The following SLC25A13 variants were observed in gnomAD, a reference collection of about 807,000 sequenced individuals.
SLC25A13 encodes the protein electrogenic aspartate/glutamate antiporter SLC25A13, mitochondrial.
In SLC25A13, 70 loss-of-function variants were observed where a neutral mutation model predicts 85.5. That is an observed-to-expected ratio of 0.82 (90% CI 0.68 to 1.00). The LOEUF is 1.00. Among genes scored for constraint, SLC25A13 ranks in the 50% least tolerant of loss-of-function variants. The pLI is 0.00. For missense variants in SLC25A13, 765 were observed against 819.8 expected, an observed-to-expected ratio of 0.93 and a Z score of 0.82; for synonymous variants, 259 against 288.7, an observed-to-expected ratio of 0.90 and a Z score of 1.04.
chr7:96,257,793 G>C (rs1797697147), intron 3 of SLC25A13, among the ~76,000 whole-genome samples: 1 of 152,168 alleles, frequency 6.6e-6, no homozygotes. Context: ...TATCCCTGAT[G>C]AACATTTATA....
rs2116383375 is a variant in SLC25A13 at position 96,121,767 on chromosome 7, A to G, written c.1751-22T>C. ...CGAGCTTTAAAAAAATGGAGAAATCACAGATATAATTAGATATTTTAAAAA... is the reference window on the plus strand; with the variant it reads ...CGAGCTTTAAAAAAATGGAGAAATCGCAGATATAATTAGATATTTTAAAAA... On this transcript the variant is annotated intron_variant, in intron 16 of 17. Transcript: ENST00000265631. 1.9e-6 allele frequency: 3 copies of G among 1,613,832 alleles called. No homozygotes were observed. The highest frequency in any genetic ancestry group is 1.7e-6 in the Non-Finnish European group (2 of 1,179,778).
Position 96,121,668 on chromosome 7 carries a change from C to G in SLC25A13, c.1828G>C (p.Asp610His), listed in dbSNP as rs751109329. The change falls in exon 17 of 18, where the codon GAT becomes CAT. Residue 610 changes from aspartate to histidine, a missense_variant. Asp to His is a moderately conservative substitution (Grantham distance 81). Coordinates refer to ENST00000265631, the MANE Select transcript of SLC25A13 (RefSeq NM_014251.3). The part of the protein sequence containing the change: ...YELLQRWFYI[D>H]FGGVKPMGSE... ...CATGATACTTACACTCCTCCAAAAT[C>G]AATGTAGAACCATCGCTGTAGCAAT... The G allele has an allele frequency of 1.1e-5, 17 of 1,614,020 alleles. No individual in the cohort carries two copies. The highest frequency in any genetic ancestry group is 1.4e-5 in the Non-Finnish European group (16 of 1,180,046).
In SLC25A13 at chr7:96,136,512, T is replaced by C. The variant is rs73708477; in HGVS notation, c.1453-4631A>G. ...TCTCTCGCACGCATGCTGTTGCACATGCACAGCAATTTCCGATGTCTCTTT... is the reference window on the plus strand; with the variant it reads ...TCTCTCGCACGCATGCTGTTGCACACGCACAGCAATTTCCGATGTCTCTTT... On this transcript the variant is annotated intron_variant, in intron 14 of 17. Transcript: ENST00000265631. 4.2e-3 allele frequency among the ~76,000 whole-genome samples: 634 copies of C among 152,338 alleles called. 5 individuals are homozygous for C. Among genetic ancestry groups the C allele is most frequent in the African/African-American group, 0.015 (613 of 41,586 alleles).
intron 2 of SLC25A13, among the ~76,000 whole-genome samples, chr7:96,286,506 T>C (rs1259546441): frequency 6.6e-6 from 1 of 152,094 alleles, no homozygotes; most frequent in Non-Finnish European, 1.5e-5. Context: ...CTCTACCTAC[T>C]CATCTTCGAG....
chr7:96,146,518 A>T, intron 14 of SLC25A13, 38 bp downstream of exon 14: 1 of 1,604,778 alleles, frequency 6.2e-7, no homozygotes. Flanking sequence ...GAGATGAGAA[A>T]GTAATCAAAT....
Position 96,184,981 on chromosome 7 carries a change from G to A in SLC25A13, c.964C>T (p.Leu322Phe). The A allele has an allele frequency of 1.2e-6, 2 of 1,614,166 alleles. No homozygotes were observed. The highest frequency in any genetic ancestry group is 1.7e-6 in the Non-Finnish European group (2 of 1,180,016). The part of the protein sequence containing the change: ...KASGDSARPV[L>F]LQVAESAYRF... ...TAGGCCGACTCTGCAACTTGTAGAA[G>A]AACTGGTCGAGCTGAATCACCTGAG... Residue 322 changes from leucine (L) to phenylalanine (F), a missense_variant, in exon 10 of 18, where the codon CTT becomes TTT. Transcript: ENST00000265631.
chr7:96,181,566 CCTT>C (rs112858687), intron 11 of SLC25A13, among the ~76,000 whole-genome samples: 3,270 of 152,270 alleles, frequency 0.021, 118 homozygotes, highest in African/African-American at 0.076. Context: ...TACAAAAACA[CCTT>C]CTTTGAGGCC....
At position 96,146,588 on chromosome 7, in the gene SLC25A13, C is replaced by A. The variant is rs554809009; in HGVS notation, c.1420G>T (p.Val474Leu). Residue 474 changes from valine (V) to leucine (L), a missense_variant, in exon 14 of 18, where the codon GTG becomes TTG. Coordinates refer to ENST00000265631, the MANE Select transcript of SLC25A13 (RefSeq NM_014251.3). ...TGPRVSALSVVRDLGFFGIYK... is the reference protein window; with the variant it reads ...TGPRVSALSVLRDLGFFGIYK... ...ATCCCAAAAAACCCCAGGTCCCGCA[C>A]GACAGACAGAGCACTGACTCGAGGA... is the stretch of plus-strand genomic sequence containing the variant. 8.1e-6 allele frequency: 13 copies of A among 1,613,128 alleles called. No homozygotes were observed. Among genetic ancestry groups the A allele is most frequent in the Middle Eastern group, 1.6e-4 (1 of 6,084 alleles).
At chr7:96,278,906 T>G (rs746619690) in intron 2 of SLC25A13, among the ~76,000 whole-genome samples, 5 of 152,252 alleles carry the variant, frequency 3.3e-5, no homozygotes, top group Non-Finnish European at 5.9e-5. Flanking sequence ...TCTTATGACT[T>G]AGTAATTATA....
intron 1 of SLC25A13, among the ~76,000 whole-genome samples, chr7:96,307,939 G>A (rs1041372567): frequency 6.6e-6 from 1 of 151,940 alleles, no homozygotes; most frequent in Non-Finnish European, 1.5e-5. Flanking sequence ...ATCACCTGAG[G>A]TCAGGAGTTC....
chr7:96,131,798 T>G lies in SLC25A13; in HGVS notation c.1536A>C (p.Ala512=). ...PCYAHVKASF[A]NEDGQVSPGS... ...CTGGGCTAACCTGCCCATCTTCATTTGCAAAGGAAGCCTTCACATGAGCAT... is the reference window on the plus strand; with the variant it reads ...CTGGGCTAACCTGCCCATCTTCATTGGCAAAGGAAGCCTTCACATGAGCAT... Residue 512 remains alanine, a synonymous_variant, in exon 15 of 18, where the codon GCA becomes GCC. Transcript: ENST00000265631. 2 of 1,614,114 alleles carry G rather than the reference T, an allele frequency of 1.2e-6. No individual in the cohort carries two copies. Among genetic ancestry groups the G allele is most frequent in the Non-Finnish European group, 1.7e-6 (2 of 1,180,002 alleles).
chr7:96,260,959 A>G (rs1283632883), intron 3 of SLC25A13, among the ~76,000 whole-genome samples: 1 of 152,030 alleles, frequency 6.6e-6, no homozygotes, highest in East Asian at 1.9e-4. Context: ...TACAACATCT[A>G]CATAACCTGG....
intron 14 of SLC25A13, among the ~76,000 whole-genome samples, chr7:96,143,441 A>C (rs550611552): frequency 3.3e-5 from 5 of 152,234 alleles, no homozygotes; most frequent in African/African-American, 1.2e-4. Context: ...AAAGAAGTAG[A>C]CATTGCAGAT....
chr7:96,315,347 A>G (rs1800090985), intron 1 of SLC25A13, among the ~76,000 whole-genome samples: 1 of 152,242 alleles, frequency 6.6e-6, no homozygotes, highest in South Asian at 2.1e-4. Flanking sequence ...CCTGAGGCTC[A>G]GGCCACACCC....
intron 1 of SLC25A13, among the ~76,000 whole-genome samples, chr7:96,299,099 T>A (rs754837601): frequency 6.6e-6 from 1 of 152,234 alleles, no homozygotes; most frequent in Non-Finnish European, 1.5e-5. Context: ...AATGAAGTAT[T>A]CTTCGTAATT....
intron 2 of SLC25A13, among the ~76,000 whole-genome samples, chr7:96,286,001 T>C (rs900107493): frequency 6.6e-6 from 1 of 152,134 alleles, no homozygotes; most frequent in Non-Finnish European, 1.5e-5. Flanking sequence ...ACATCTGTCG[T>C]TGGCCAGGCA....
At chr7:96,285,643 A>G (rs1005802584) in intron 2 of SLC25A13, among the ~76,000 whole-genome samples, 2 of 152,180 alleles carry the variant, frequency 1.3e-5, no homozygotes, top group East Asian at 3.9e-4. Context: ...ATTTGCTTTA[A>G]CCACAACGCA....
chr7:96,269,007 T>G (rs1798133788), intron 3 of SLC25A13, among the ~76,000 whole-genome samples: 1 of 152,220 alleles, frequency 6.6e-6, no homozygotes. Context: ...CATCTCTCTC[T>G]TTCATAGCAG....
intron 4 of SLC25A13, among the ~76,000 whole-genome samples, chr7:96,212,599 T>C (rs1426628193): frequency 4.6e-5 from 7 of 152,280 alleles, no homozygotes; most frequent in South Asian, 2.1e-4. Flanking sequence ...TGGCGATCAA[T>C]GGCATGAAGA....
Sources: gnomAD v4.1 joint callset for allele counts (sites outside exome capture counted in the v4.1 genomes callset) on GRCh38, gnomAD v4.1.1 for gene constraint, MANE v1.5 for transcripts, NCBI Gene and HGNC (gene_info 2026-07-23, HGNC 2026-07-21) for gene names.